The following PISD variants were observed in gnomAD, a reference collection of about 807,000 sequenced individuals.
PISD encodes phosphatidylserine decarboxylase proenzyme, mitochondrial.
PISD carries 31 observed loss-of-function variants against 43.5 expected under a neutral mutation model. The observed-to-expected ratio is 0.71, with a 90% CI of 0.54 to 0.96. The LOEUF (loss-of-function observed/expected upper bound fraction) is 0.96, where lower values mean the gene tolerates loss of function less well. PISD is among the 40% of genes least tolerant of loss of function. The pLI is 0.00. For missense variants in PISD, 523 were observed against 548.4 expected (o/e 0.95, Z 0.46); for synonymous variants, 259 against 228.7 (o/e 1.13, Z -1.20).
upstream of PISD, chr22:31,662,528 G>C (rs1475093688): frequency 2.4e-6 from 1 of 417,074 alleles, no homozygotes; most frequent in Admixed American, 3.9e-5. Context: ...TCAAGTGATC[G>C]AACTTGCTCA....
intron 3 of PISD, among the ~76,000 whole-genome samples, chr22:31,636,512 G>A (rs1187773638): frequency 2.0e-5 from 3 of 151,912 alleles, no homozygotes; most frequent in East Asian, 1.9e-4. Flanking sequence ...ACAGGCACCC[G>A]CCACCACGCC....
intron 3 of PISD, among the ~76,000 whole-genome samples, chr22:31,638,014 G>T (rs1014514651): frequency 4.6e-5 from 7 of 152,236 alleles, no homozygotes; most frequent in African/African-American, 1.7e-4. Flanking sequence ...CGTGGGAGCC[G>T]CAGGCTGAGC....
intron 2 of PISD, among the ~76,000 whole-genome samples, chr22:31,649,994 C>G (rs910054487): frequency 9.2e-5 from 14 of 152,118 alleles, no homozygotes; most frequent in African/African-American, 3.1e-4. Context: ...AGGAAGCAAC[C>G]CTGACACCTT....
upstream of PISD, chr22:31,662,428 C>G: frequency 1.8e-6 from 1 of 569,004 alleles, no homozygotes; most frequent in East Asian, 3.0e-5. Context: ...TGGGCTTGGT[C>G]GCAGCACTGC....
intron 1 of PISD, 58 bp from the exon 2 acceptor site, chr22:31,650,836 T>C: frequency 9.0e-7 from 1 of 1,113,088 alleles, no homozygotes; most frequent in East Asian, 2.6e-5. Flanking sequence ...AATTACTGGA[T>C]TAATCGGCAA....
At chr22:31,650,567 G>T in intron 2 of PISD, 132 bp downstream of exon 2, 4 of 512,544 alleles carry the variant, frequency 7.8e-6, no homozygotes, top group African/African-American at 2.0e-5. Context: ...ACGCTTCAGT[G>T]ATAACTGCAT....
intron 1 of PISD, among the ~76,000 whole-genome samples, chr22:31,653,055 A>C (rs1333287209): frequency 6.6e-6 from 1 of 151,526 alleles, no homozygotes. Flanking sequence ...AAAAAAAAAA[A>C]AAAACCACAC....
chr22:31,637,610 C>T (rs766196292), intron 3 of PISD, among the ~76,000 whole-genome samples: 5 of 152,110 alleles, frequency 3.3e-5, no homozygotes, highest in Non-Finnish European at 7.4e-5. Flanking sequence ...CACTTTACTC[C>T]AGTGACTGAG....
At position 31,637,154 on chromosome 22, in the gene PISD, AAAAAAAAAAAATATATATATAT is replaced by A. The variant is rs1294648548; in HGVS notation, c.321+10925_321+10946del. Among the ~76,000 whole-genome samples, 70 of 43,206 alleles carry A rather than the reference AAAAAAAAAAAATATATATATAT, an allele frequency of 1.6e-3. 1 individual carries two copies. The highest frequency in any genetic ancestry group is 3.9e-3 in the Admixed American group (14 of 3,546). The allele number at this position is 43,206 out of a possible 152,430, so 28.3% of individuals were successfully genotyped here. Reference sequence around the variant, plus strand: ...AATAATAAATAAATTAAAAAAAAAAAAAAAAAAAAAATATATATATATATATATATATATATATATATATATA... The same window carrying A: ...AATAATAAATAAATTAAAAAAAAAAAATATATATATATATATATATATATA... On this transcript the variant is annotated intron_variant, in intron 3 of 7. Transcript: ENST00000439502.
At chr22:31,641,111 C>A (rs2147758859) in intron 3 of PISD, among the ~76,000 whole-genome samples, 1 of 151,836 alleles carries the variant, frequency 6.6e-6, no homozygotes, top group Non-Finnish European at 1.5e-5. Flanking sequence ...GGTCTTAACT[C>A]CTGACCTCAG....
chr22:31,622,626 C>T (rs1278713819), intron 3 of PISD, among the ~76,000 whole-genome samples: 1 of 152,232 alleles, frequency 6.6e-6, no homozygotes, highest in Non-Finnish European at 1.5e-5. Flanking sequence ...AAGCCATCTG[C>T]ACCTGGGGTT....
At chr22:31,648,329 G>T in intron 2 of PISD, 53 bp from the exon 3 acceptor site, 1 of 1,491,880 alleles carries the variant, frequency 6.7e-7, no homozygotes. Flanking sequence ...ATAGGGAAGA[G>T]TCATGCAAAC....
chr22:31,633,654 G>T (rs1218277243), intron 3 of PISD, among the ~76,000 whole-genome samples: 3 of 152,176 alleles, frequency 2.0e-5, no homozygotes, highest in Non-Finnish European at 4.4e-5. Flanking sequence ...GGTGGAGGTT[G>T]CAGTGAGCCG....
At chr22:31,635,573 G>T (rs532242080) in intron 3 of PISD, among the ~76,000 whole-genome samples, 1 of 152,096 alleles carries the variant, frequency 6.6e-6, no homozygotes, top group Non-Finnish European at 1.5e-5. Context: ...CTGGGATTAC[G>T]GGCGTCAGCC....
chr22:31,639,761 A>C (rs930336196), intron 3 of PISD, among the ~76,000 whole-genome samples: 1 of 152,036 alleles, frequency 6.6e-6, no homozygotes, highest in Non-Finnish European at 1.5e-5. Context: ...TAAACTACAG[A>C]TCTGTACCTG....
At chr22:31,642,397 G>C (rs2073759964) in intron 3 of PISD, among the ~76,000 whole-genome samples, 1 of 151,254 alleles carries the variant, frequency 6.6e-6, no homozygotes, top group Admixed American at 6.6e-5. Context: ...TAAGGCTACA[G>C]TGAGCTGTGA....
intron 1 of PISD, among the ~76,000 whole-genome samples, chr22:31,655,076 CAAAAAAAAAA>C (rs1038608958): frequency 1.8e-5 from 1 of 57,118 alleles, no homozygotes; most frequent in African/African-American, 7.0e-5. Context: ...ACTCTATCTC[CAAAAAAAAAA>C]AAAAAAAAAA....
chr22:31,641,841 T>C (rs2073740515), intron 3 of PISD, among the ~76,000 whole-genome samples: 1 of 150,864 alleles, frequency 6.6e-6, no homozygotes, highest in Non-Finnish European at 1.5e-5. Flanking sequence ...ATAATAATGA[T>C]AAAATTTAAA....
At chr22:31,624,712 GACACACACACACACACACACACAC>G (rs55946723) in intron 3 of PISD, among the ~76,000 whole-genome samples, 15 of 111,990 alleles carry the variant, frequency 1.3e-4, no homozygotes, top group Admixed American at 4.5e-4. Flanking sequence ...AGCAAAGGTG[GACACACACACACACACACACACAC>G]ACACACACAC....
Sources: allele counts gnomAD v4.1 joint callset (sites outside exome capture counted in the v4.1 genomes callset), GRCh38; gene constraint gnomAD v4.1.1; transcripts MANE v1.5; gene names NCBI Gene and HGNC (gene_info 2026-07-23, HGNC 2026-07-21).